NRG1: variants seen among roughly 807,000 people sequenced by gnomAD.
NRG1 encodes the protein pro-neuregulin-1, membrane-bound isoform.
Under a neutral mutation model 63.8 loss-of-function variants are expected in NRG1, and 18 were observed. The ratio of observed to expected loss-of-function variants is 0.28; its 90% CI spans 0.19 to 0.42. NRG1 has a LOEUF of 0.42. NRG1 is among the 10% of genes least tolerant of loss of function. NRG1 has a pLI of 1.00. For synonymous variants in NRG1, 302 were observed against 301.3 expected (o/e 1.00, Z -0.02); for missense variants, 762 against 814.7 (o/e 0.94, Z 0.79).
intron 1 of NRG1, among the ~76,000 whole-genome samples, chr8:32,436,000 C>A (rs142520483): frequency 0.014 from 2,187 of 152,232 alleles, 14 homozygotes; most frequent in Non-Finnish European, 0.023. Flanking sequence ...TAAGTCCTAA[C>A]CTTATACATT....
chr8:31,858,037 C>T (rs142507340), intron 1 of NRG1, among the ~76,000 whole-genome samples: 68 of 152,282 alleles, frequency 4.5e-4, no homozygotes, highest in African/African-American at 1.3e-3. Flanking sequence ...TGGTGGCTCA[C>T]GCCTGTAATC....
chr8:31,922,358 G>A (rs1833989384), intron 1 of NRG1, among the ~76,000 whole-genome samples: 1 of 152,072 alleles, frequency 6.6e-6, no homozygotes, highest in African/African-American at 2.4e-5. Flanking sequence ...CTACCAACAT[G>A]ATGTCACTAA....
chr8:32,697,047 G>C (rs1229454385), intron 5 of NRG1, among the ~76,000 whole-genome samples: 3 of 152,212 alleles, frequency 2.0e-5, no homozygotes, highest in East Asian at 3.8e-4. Flanking sequence ...GTAAGCTATA[G>C]GATTAGATGG....
At chr8:31,967,032 A>G (rs190626381) in intron 1 of NRG1, among the ~76,000 whole-genome samples, 16 of 152,308 alleles carry the variant, frequency 1.1e-4, no homozygotes, top group Non-Finnish European at 1.9e-4. Flanking sequence ...TTGGGATCAT[A>G]TTAAAATTAA....
At chr8:32,082,543 T>A (rs1827626406) in intron 1 of NRG1, among the ~76,000 whole-genome samples, 1 of 152,044 alleles carries the variant, frequency 6.6e-6, no homozygotes. Flanking sequence ...AACAGGAAAA[T>A]AAAGCACTAC....
intron 1 of NRG1, among the ~76,000 whole-genome samples, chr8:32,240,130 G>A (rs1586311921): frequency 1.3e-5 from 2 of 152,080 alleles, no homozygotes; most frequent in Admixed American, 1.3e-4. Context: ...ATTTGTAAAA[G>A]CCCCAAACTG....
chr8:31,824,655 T>C (rs1304136543), intron 1 of NRG1, among the ~76,000 whole-genome samples: 1 of 152,256 alleles, frequency 6.6e-6, no homozygotes, highest in African/African-American at 2.4e-5. Flanking sequence ...GTGATTAAAG[T>C]AAATTTATGT....
intron 1 of NRG1, among the ~76,000 whole-genome samples, chr8:32,551,827 G>A (rs1481621518): frequency 4.0e-5 from 6 of 151,760 alleles, no homozygotes; most frequent in Non-Finnish European, 2.9e-5. Context: ...TCTCCTTGGT[G>A]CTGGACCTCC....
chr8:31,780,316 T>G (rs943656927), intron 1 of NRG1, among the ~76,000 whole-genome samples: 1 of 152,198 alleles, frequency 6.6e-6, no homozygotes. Context: ...ATTTCAGTTG[T>G]AGGCATGAAG....
intron 1 of NRG1, among the ~76,000 whole-genome samples, chr8:32,485,023 C>CTTGAAATTGAAA (rs989773000): frequency 2.6e-5 from 4 of 152,164 alleles, no homozygotes; most frequent in African/African-American, 9.7e-5. Flanking sequence ...TACTAAACTT[C>CTTGAAATTGAAA]TTGAAATTGA....
intron 1 of NRG1, among the ~76,000 whole-genome samples, chr8:32,122,352 A>G (rs993682730): frequency 6.6e-6 from 1 of 151,960 alleles, no homozygotes; most frequent in Non-Finnish European, 1.5e-5. Context: ...CACAATGTTA[A>G]GAGGTACTAT....
chr8:31,730,804 A>G (rs1813958986), intron 1 of NRG1, among the ~76,000 whole-genome samples: 1 of 152,174 alleles, frequency 6.6e-6, no homozygotes, highest in Admixed American at 6.6e-5. Flanking sequence ...AATGATAGTA[A>G]ATGTATAAAA....
At chr8:32,319,798 A>C (rs549118893) in intron 1 of NRG1, among the ~76,000 whole-genome samples, 6 of 152,176 alleles carry the variant, frequency 3.9e-5, no homozygotes, top group Admixed American at 2.0e-4. Flanking sequence ...GGAAATTAGG[A>C]ATAATTTTTA....
chr8:32,709,092 A>G (rs1247475163), intron 5 of NRG1, among the ~76,000 whole-genome samples: 1 of 152,226 alleles, frequency 6.6e-6, no homozygotes, highest in Admixed American at 6.5e-5. Flanking sequence ...TTTCTCAAGG[A>G]CATTAAACAC....
At chr8:31,918,105 G>C (rs909508402) in intron 1 of NRG1, among the ~76,000 whole-genome samples, 2 of 152,130 alleles carry the variant, frequency 1.3e-5, no homozygotes, top group Non-Finnish European at 2.9e-5. Context: ...ATTTTGGGCT[G>C]AGACAGTGGG....
intron 5 of NRG1, among the ~76,000 whole-genome samples, chr8:32,627,075 T>C (rs1457273980): frequency 6.6e-6 from 1 of 151,832 alleles, no homozygotes; most frequent in Admixed American, 6.6e-5. Context: ...CTATTTTTAT[T>C]ATTATTATTT....
At chr8:32,421,134 A>G (rs1160115812) in intron 1 of NRG1, among the ~76,000 whole-genome samples, 1 of 152,208 alleles carries the variant, frequency 6.6e-6, no homozygotes, top group Non-Finnish European at 1.5e-5. Context: ...AGAACAGACT[A>G]ATACACTCAT....
intron 1 of NRG1, among the ~76,000 whole-genome samples, chr8:32,445,585 C>A (rs376342079): frequency 1.1e-4 from 17 of 152,152 alleles, no homozygotes; most frequent in African/African-American, 4.1e-4. Context: ...TCAAAATGGA[C>A]ATTAACCAAA....
In NRG1 at chr8:32,170,492, G is replaced by T. The variant is rs557263099; in HGVS notation, c.38-425336G>T. Among the ~76,000 whole-genome samples the T allele has an allele frequency of 2.0e-5, 3 of 152,172 alleles. No individual in the cohort carries two copies. In the South Asian group the frequency reaches 6.2e-4, roughly 32 times the overall value. ...TTGCCTCTGGTTGTGCAGATGAAGA[G>T]TCATTAGGCTGACCTCATCTATGGA... On this transcript the variant is annotated intron_variant, in intron 1 of 10. Coordinates refer to the NRG1 transcript ENST00000519301.
Sources: allele counts gnomAD v4.1 joint callset (sites outside exome capture counted in the v4.1 genomes callset), GRCh38; gene constraint gnomAD v4.1.1; transcripts MANE v1.5; gene names NCBI Gene and HGNC (gene_info 2026-07-23, HGNC 2026-07-21).